The following KCNQ5 variants were observed in gnomAD, a reference collection of about 807,000 sequenced individuals.
KCNQ5 encodes the protein potassium voltage-gated channel subfamily Q member 5, also known as potassium voltage-gated channel subfamily KQT member 5.
A neutral mutation model predicts 98.2 loss-of-function variants in KCNQ5; 30 were observed. The observed-to-expected ratio is 0.31, with a 90% CI of 0.23 to 0.41. The LOEUF (loss-of-function observed/expected upper bound fraction) is 0.41. Among genes scored for constraint, KCNQ5 ranks in the 10% least tolerant of loss-of-function variants. The pLI is 1.00. For synonymous variants in KCNQ5, 458 were observed against 449.4 expected (o/e 1.02, Z -0.24); for missense variants, 835 against 1,182.5 (o/e 0.71, Z 4.31).
intron 5 of KCNQ5, among the ~76,000 whole-genome samples, chr6:73,078,679 C>T (rs1299338632): frequency 6.6e-6 from 1 of 152,164 alleles, no homozygotes; most frequent in South Asian, 2.1e-4. Flanking sequence ...CTCCACTAGG[C>T]AGAATTTATT....
intron 1 of KCNQ5, among the ~76,000 whole-genome samples, chr6:72,774,666 C>CA (rs1163635330): frequency 1.3e-5 from 2 of 151,130 alleles, no homozygotes; most frequent in African/African-American, 2.4e-5. Context: ...AATCCAACAG[C>CA]AAAAAACAAT....
At chr6:72,657,283 T>A (rs1246139181) in intron 1 of KCNQ5, among the ~76,000 whole-genome samples, 2 of 152,138 alleles carry the variant, frequency 1.3e-5, no homozygotes, top group Admixed American at 6.6e-5. Flanking sequence ...ACCACTCACA[T>A]TTCACAAATT....
intron 1 of KCNQ5, among the ~76,000 whole-genome samples, chr6:72,808,744 C>T (rs1328578988): frequency 6.6e-6 from 1 of 151,616 alleles, no homozygotes; most frequent in Non-Finnish European, 1.5e-5. Context: ...GTCAGGGGTT[C>T]GAGACCAGTC....
At chr6:73,174,033 T>C (rs1778115202) in intron 11 of KCNQ5, among the ~76,000 whole-genome samples, 1 of 152,112 alleles carries the variant, frequency 6.6e-6, no homozygotes, top group South Asian at 2.1e-4. Flanking sequence ...TACCTGCTTC[T>C]TACCGGTATT....
At chr6:73,132,149 G>A (rs1402975051) in intron 9 of KCNQ5, among the ~76,000 whole-genome samples, 1 of 152,180 alleles carries the variant, frequency 6.6e-6, no homozygotes, top group Non-Finnish European at 1.5e-5. Flanking sequence ...TGCAGTTGGG[G>A]ACAGTGGACA....
intron 1 of KCNQ5, among the ~76,000 whole-genome samples, chr6:72,880,148 G>T (rs1170769235): frequency 6.6e-6 from 1 of 152,102 alleles, no homozygotes; most frequent in Non-Finnish European, 1.5e-5. Context: ...AGAAAAATTC[G>T]AAAGAACTTA....
intron 1 of KCNQ5, among the ~76,000 whole-genome samples, chr6:72,659,471 A>G (rs1766395495): frequency 1.3e-5 from 2 of 152,240 alleles, no homozygotes; most frequent in Non-Finnish European, 2.9e-5. Flanking sequence ...TTTATAAATA[A>G]TACAAATTTA....
rs531090126 is a variant in KCNQ5, at chr6:72,867,594, A to C, written c.399-136314A>C. Among the ~76,000 whole-genome samples the C allele has an allele frequency of 9.8e-5, 15 of 152,308 alleles. No homozygotes were observed. In the South Asian group the frequency reaches 3.1e-3, roughly 32 times the overall value. On this transcript the variant is annotated intron_variant, in intron 1 of 13. Transcript: ENST00000370398. The stretch of plus-strand genomic sequence containing the variant: ...ATAGTTGAAGGAACTCAAGATGTTT[A>C]ACCCAAAGAAAAGAAATTGCAGAGG...
chr6:72,981,651 T>G (rs1038301854), intron 1 of KCNQ5, among the ~76,000 whole-genome samples: 1 of 152,202 alleles, frequency 6.6e-6, no homozygotes, highest in African/African-American at 2.4e-5. Context: ...TTTGTGTCTC[T>G]AACTCCTTCA....
At chr6:73,068,291 C>A (rs183761820) in intron 3 of KCNQ5, among the ~76,000 whole-genome samples, 11 of 151,958 alleles carry the variant, frequency 7.2e-5, no homozygotes, top group Non-Finnish European at 1.2e-4. Context: ...AGGGAAACTC[C>A]GTCTCAAAAA....
Position 72,622,252 on chromosome 6 carries a change from C to G in KCNQ5, c.63C>G (p.Gly21=), listed in dbSNP as rs534823264. ...GGAAGLWVKS[G]AAAAAAGGGR... ...CCGCCGGGCTCTGGGTGAAGAGCGG[C>G]GCAGCGGCGGCGGCGGCGGGCGGGG... The change falls in exon 1 of 14, where the codon GGC becomes GGG. Residue 21 remains glycine (G), a synonymous_variant. Coordinates refer to ENST00000370398, the MANE Select transcript of KCNQ5 (RefSeq NM_019842.4). This position sits in a 1 kb window ranked among gnomAD's most constrained non-coding sequence, Gnocchi z 6.0. 7.9e-7 allele frequency: 1 copy of G among 1,266,646 alleles called. No individual in the cohort carries two copies. The highest frequency in any genetic ancestry group is 3.2e-5 in the East Asian group (1 of 31,608). 78.5% of individuals were successfully genotyped at this position (1,266,646 alleles called of 1,614,324 possible). A position where few individuals can be genotyped will look rare whatever the true frequency, so the allele number is the denominator to read the frequency against.
At chr6:72,653,807 A>G (rs1565059178) in intron 1 of KCNQ5, among the ~76,000 whole-genome samples, 1 of 152,082 alleles carries the variant, frequency 6.6e-6, no homozygotes, top group Non-Finnish European at 1.5e-5. Flanking sequence ...ATAAGGTATT[A>G]TGTATTTTAC....
intron 9 of KCNQ5, chr6:73,125,284 G>C (rs1008775457): frequency 1.5e-5 from 5 of 341,652 alleles, no homozygotes; most frequent in Admixed American, 6.5e-5. Flanking sequence ...GAGGGAATAC[G>C]AGGTGAAAGA....
intron 11 of KCNQ5, among the ~76,000 whole-genome samples, chr6:73,188,982 CAAAAAAAAAAAA>C (rs67431655): frequency 1.2e-5 from 1 of 82,426 alleles, no homozygotes; most frequent in African/African-American, 4.5e-5. Context: ...GACTCTGTCT[CAAAAAAAAAAAA>C]AAAAAAAAAA....
chr6:73,193,234 T>C (rs999081525), intron 13 of KCNQ5, among the ~76,000 whole-genome samples: 1 of 151,210 alleles, frequency 6.6e-6, no homozygotes, highest in Non-Finnish European at 1.5e-5. Flanking sequence ...TGGCCAGGCT[T>C]GTCTCAAACT....
intron 1 of KCNQ5, among the ~76,000 whole-genome samples, chr6:72,944,582 C>A (rs1766453214): frequency 6.6e-6 from 1 of 152,152 alleles, no homozygotes; most frequent in African/African-American, 2.4e-5. Flanking sequence ...GGAAATAGTG[C>A]TATAACCAAA....
intron 1 of KCNQ5, among the ~76,000 whole-genome samples, chr6:72,726,584 G>A (rs1404312149): frequency 6.6e-6 from 1 of 152,072 alleles, no homozygotes; most frequent in African/African-American, 2.4e-5. Flanking sequence ...AAAGTTCAAG[G>A]TAAACAGGGC....
At chr6:72,750,040 C>T (rs974248453) in intron 1 of KCNQ5, among the ~76,000 whole-genome samples, 2 of 151,958 alleles carry the variant, frequency 1.3e-5, no homozygotes, top group East Asian at 1.9e-4. Flanking sequence ...TTCATAAAAC[C>T]GTGGTCTGTA....
At chr6:72,985,232 G>T (rs1768709524) in intron 1 of KCNQ5, among the ~76,000 whole-genome samples, 1 of 152,126 alleles carries the variant, frequency 6.6e-6, no homozygotes, top group Non-Finnish European at 1.5e-5. Flanking sequence ...AGAGAAGCAA[G>T]AAAGAACGTA....
Sources: allele counts gnomAD v4.1 joint callset (sites outside exome capture counted in the v4.1 genomes callset), GRCh38; gene constraint gnomAD v4.1.1; non-coding constraint Gnocchi (gnomAD v3.1); transcripts MANE v1.5; gene names NCBI Gene and HGNC (gene_info 2026-07-23, HGNC 2026-07-21).